Variants in ROR1 observed in about 807,000 individuals in gnomAD.
The protein encoded by ROR1 is ROR family WNT receptor 1.
In ROR1, 19 loss-of-function variants were observed where a neutral mutation model predicts 78.8. The observed-to-expected ratio is 0.24, with a 90% CI of 0.17 to 0.35. The LOEUF (loss-of-function observed/expected upper bound fraction) is 0.35. Ranked by LOEUF, ROR1 falls within the 10% of genes least tolerant of loss-of-function variation. ROR1 has a pLI of 1.00. For missense variants in ROR1, 917 were observed against 1,177.8 expected (o/e 0.78, Z 3.24); for synonymous variants, 386 against 433.6 (o/e 0.89, Z 1.36).
At chr1:63,858,381 TG>T (rs1645161234) in intron 1 of ROR1, among the ~76,000 whole-genome samples, 1 of 152,220 alleles carries the variant, frequency 6.6e-6, no homozygotes, top group Non-Finnish European at 1.5e-5. Context: ...AACAGCACTT[TG>T]CATTAGTTAA....
chr1:63,813,208 T>C (rs914006803), intron 1 of ROR1, among the ~76,000 whole-genome samples: 105 of 152,242 alleles, frequency 6.9e-4, no homozygotes, highest in African/African-American at 2.5e-3. Flanking sequence ...AAAAACTAAA[T>C]GGGGGAGCAT....
At chr1:64,060,003 T>A (rs970668249) in intron 4 of ROR1, among the ~76,000 whole-genome samples, 21 of 152,178 alleles carry the variant, frequency 1.4e-4, no homozygotes, top group Non-Finnish European at 2.8e-4. Context: ...GCGTTAGTTT[T>A]TTTTTTCCTA....
intron 2 of ROR1, among the ~76,000 whole-genome samples, chr1:64,044,853 G>A (rs1483480015): frequency 4.6e-5 from 7 of 152,112 alleles, no homozygotes; most frequent in East Asian, 1.9e-4. Flanking sequence ...CCACCATCAC[G>A]AGCTTGACAA....
At chr1:63,798,987 C>CTA (rs1644779443) in intron 1 of ROR1, among the ~76,000 whole-genome samples, 1 of 152,126 alleles carries the variant, frequency 6.6e-6, no homozygotes, top group Non-Finnish European at 1.5e-5. Flanking sequence ...CTGCTAGTAA[C>CTA]CTCTTTCTTT....
rs574484165 is a variant in ROR1 at position 64,168,278 on chromosome 1, G to C, written c.1386+9086G>C. Among the ~76,000 whole-genome samples, 130 of 152,282 alleles carry C rather than the reference G, an allele frequency of 8.5e-4. 2 individuals carry two copies. The South Asian group carries it at 0.022, about 26-fold the overall frequency. Reference sequence around the variant, plus strand: ...GTTTTTCCATTTGTAAAATAGGTGTGAGTCATAGTTACCAATCTCATGGGG... The same window carrying C: ...GTTTTTCCATTTGTAAAATAGGTGTCAGTCATAGTTACCAATCTCATGGGG... On this transcript the variant is annotated intron_variant, in intron 8 of 8. Transcript: ENST00000371079.
intron 4 of ROR1, among the ~76,000 whole-genome samples, chr1:64,132,569 G>T (rs1648951334): frequency 6.6e-6 from 1 of 151,826 alleles, no homozygotes; most frequent in South Asian, 2.1e-4. Context: ...AGACCAGCCT[G>T]GCCAACATGG....
intron 8 of ROR1, among the ~76,000 whole-genome samples, chr1:64,167,358 A>G (rs1472006818): frequency 1.3e-5 from 2 of 152,224 alleles, no homozygotes; most frequent in Non-Finnish European, 2.9e-5. Context: ...AAGTTACGTT[A>G]TAGAGAAAAG....
intron 1 of ROR1, among the ~76,000 whole-genome samples, chr1:63,924,446 C>T (rs1337652135): frequency 6.6e-6 from 1 of 151,802 alleles, no homozygotes; most frequent in African/African-American, 2.4e-5. Context: ...ATATTCAAGC[C>T]GAGGTTTGGG....
At chr1:64,046,954 A>G (rs1646789855) in intron 2 of ROR1, among the ~76,000 whole-genome samples, 1 of 152,244 alleles carries the variant, frequency 6.6e-6, no homozygotes, top group African/African-American at 2.4e-5. Flanking sequence ...GTAAAGCCCT[A>G]GCATATAGTA....
chr1:63,947,747 C>T (rs1258698768), intron 1 of ROR1, among the ~76,000 whole-genome samples: 1 of 152,160 alleles, frequency 6.6e-6, no homozygotes, highest in East Asian at 1.9e-4. Flanking sequence ...CTACCTGCAT[C>T]TGTTACAGTG....
intron 1 of ROR1, among the ~76,000 whole-genome samples, chr1:63,919,999 T>C (rs1260406199): frequency 6.6e-6 from 1 of 152,178 alleles, no homozygotes; most frequent in Non-Finnish European, 1.5e-5. Context: ...TGCTTTTGTT[T>C]CTCATGTTAT....
intron 1 of ROR1, among the ~76,000 whole-genome samples, chr1:63,943,661 C>G (rs1428736227): frequency 2.0e-5 from 3 of 152,204 alleles, no homozygotes; most frequent in Non-Finnish European, 4.4e-5. Flanking sequence ...TCCCCGCCAC[C>G]AAGCTGGCTG....
At chr1:64,008,869 G>A (rs1646452023) in intron 1 of ROR1, among the ~76,000 whole-genome samples, 1 of 152,060 alleles carries the variant, frequency 6.6e-6, no homozygotes, top group Non-Finnish European at 1.5e-5. Context: ...TCCTGACCTT[G>A]TGATCCACCT....
intron 1 of ROR1, among the ~76,000 whole-genome samples, chr1:63,861,329 A>T (rs1645180499): frequency 6.6e-6 from 1 of 152,200 alleles, no homozygotes; most frequent in South Asian, 2.1e-4. Context: ...AAATAATTAA[A>T]TGTTGCAAAT....
chr1:63,949,750 T>G (rs1645919336), intron 1 of ROR1, among the ~76,000 whole-genome samples: 1 of 152,096 alleles, frequency 6.6e-6, no homozygotes, highest in African/African-American at 2.4e-5. Context: ...CAGACATGCT[T>G]AAGTTTCTCA....
In ROR1 at chr1:64,072,220, A is replaced by G. The variant is rs1160797746; in HGVS notation, c.482+21504A>G. 3.3e-5 allele frequency among the ~76,000 whole-genome samples: 5 copies of G among 152,240 alleles called. No homozygotes were observed. The East Asian group carries it at 9.6e-4, about 29-fold the overall frequency. ...AGGATCATGAGAGATAATTTGTGTC[A>G]TTCACTTTGCATGATGCCTGGCATA... On this transcript the variant is annotated intron_variant, in intron 4 of 8. Coordinates refer to ENST00000371079, the MANE Select transcript of ROR1 (RefSeq NM_005012.4).
chr1:64,121,588 A>T (rs1027892160), intron 4 of ROR1, among the ~76,000 whole-genome samples: 5 of 150,102 alleles, frequency 3.3e-5, no homozygotes, highest in Admixed American at 3.3e-4. Flanking sequence ...CTGGCGGGGA[A>T]GAGTATTTTA....
intron 4 of ROR1, chr1:64,106,872 C>A (rs761875377): frequency 2.2e-4 from 34 of 152,108 alleles, no homozygotes; most frequent in Non-Finnish European, 4.0e-4. Context: ...CGGGTACAGT[C>A]TTTTGTTTCA....
intron 4 of ROR1, among the ~76,000 whole-genome samples, chr1:64,059,410 C>A (rs949997795): frequency 2.6e-5 from 4 of 152,058 alleles, no homozygotes; most frequent in Non-Finnish European, 4.4e-5. Context: ...CATGTACTCC[C>A]TTTAAAGAGA....
Sources: allele counts gnomAD v4.1 joint callset (sites outside exome capture counted in the v4.1 genomes callset), GRCh38; gene constraint gnomAD v4.1.1; transcripts MANE v1.5; gene names NCBI Gene and HGNC (gene_info 2026-07-23, HGNC 2026-07-21).